The following PPP1R12A variants were observed in gnomAD, a reference collection of about 807,000 sequenced individuals.
PPP1R12A encodes protein phosphatase 1 regulatory subunit 12A.
A neutral mutation model predicts 139.6 loss-of-function variants in PPP1R12A; 19 were observed. The observed-to-expected ratio is 0.14, with a 90% CI of 0.09 to 0.20. The LOEUF (loss-of-function observed/expected upper bound fraction) is 0.20. Ranked by LOEUF, PPP1R12A falls within the 10% of genes least tolerant of loss-of-function variation. The pLI, the probability that PPP1R12A is intolerant of heterozygous loss-of-function variation, is 1.00. For missense variants in PPP1R12A, 925 were observed against 1,211.5 expected, an observed-to-expected ratio of 0.76 and a Z score of 3.51; for synonymous variants, 427 against 420.6, an observed-to-expected ratio of 1.02 and a Z score of -0.19.
At chr12:79,814,961 C>T (rs1281243443) in intron 9 of PPP1R12A, among the ~76,000 whole-genome samples, 1 of 151,542 alleles carries the variant, frequency 6.6e-6, no homozygotes, top group African/African-American at 2.4e-5. Flanking sequence ...AAAATAGTTT[C>T]TAAATATGCA....
At chr12:79,876,481 A>G (rs1883113276) in intron 1 of PPP1R12A, among the ~76,000 whole-genome samples, 1 of 152,200 alleles carries the variant, frequency 6.6e-6, no homozygotes, top group Non-Finnish European at 1.5e-5. Flanking sequence ...CAGACAGGAA[A>G]TGATAGGGCT....
chr12:79,866,432 A>G (rs867136962), intron 2 of PPP1R12A, among the ~76,000 whole-genome samples: 1 of 152,366 alleles, frequency 6.6e-6, no homozygotes, highest in African/African-American at 2.4e-5. Context: ...CATGACTAAA[A>G]CACCAAAAGC....
chr12:79,865,307 T>C (rs1857003440), intron 2 of PPP1R12A, among the ~76,000 whole-genome samples: 1 of 152,182 alleles, frequency 6.6e-6, no homozygotes, highest in Non-Finnish European at 1.5e-5. Context: ...TAGGTATCGA[T>C]GGAACGTATC....
chr12:79,837,107 A>G (rs1878177049), intron 3 of PPP1R12A, among the ~76,000 whole-genome samples: 1 of 152,228 alleles, frequency 6.6e-6, no homozygotes. Flanking sequence ...CTGTTTTAAA[A>G]GAAAAAAATC....
chr12:79,898,806 A>T (rs1885365518), intron 1 of PPP1R12A, among the ~76,000 whole-genome samples: 4 of 151,740 alleles, frequency 2.6e-5, no homozygotes. Flanking sequence ...CTCTATACCA[A>T]CTCACACCCT....
At chr12:79,877,097 T>C (rs553834476) in intron 1 of PPP1R12A, among the ~76,000 whole-genome samples, 2 of 152,332 alleles carry the variant, frequency 1.3e-5, no homozygotes, top group Admixed American at 1.3e-4. Flanking sequence ...ATTTTGTGGC[T>C]GTGAACAAGT....
At chr12:79,799,968 AC>A (rs1565745824) in intron 14 of PPP1R12A, among the ~76,000 whole-genome samples, 1 of 151,696 alleles carries the variant, frequency 6.6e-6, no homozygotes, top group Non-Finnish European at 1.5e-5. Context: ...AGATTGTACC[AC>A]CCCGCAGCGT....
chr12:79,778,781 C>A, intron 23 of PPP1R12A, 181 bp from the exon 24 acceptor site: 1 of 410,554 alleles, frequency 2.4e-6, no homozygotes, highest in Non-Finnish European at 4.4e-6. Context: ...ATATGAAGAT[C>A]TTTATCCTTA....
intron 1 of PPP1R12A, among the ~76,000 whole-genome samples, chr12:79,889,908 T>C (rs1489685755): frequency 1.3e-5 from 2 of 152,168 alleles, no homozygotes; most frequent in Non-Finnish European, 2.9e-5. Flanking sequence ...AGCAGCTCCC[T>C]TGGGCCTCTT....
chr12:79,841,108 G>C (rs1164247087), intron 3 of PPP1R12A, among the ~76,000 whole-genome samples: 1 of 150,540 alleles, frequency 6.6e-6, no homozygotes, highest in Non-Finnish European at 1.5e-5. Context: ...CTGTTGTCCA[G>C]GCTGGAGTGC....
chr12:79,864,058 C>T (rs1267584130), intron 2 of PPP1R12A, among the ~76,000 whole-genome samples: 1 of 151,994 alleles, frequency 6.6e-6, no homozygotes, highest in African/African-American at 2.4e-5. Context: ...ACCACATGGC[C>T]CTTATTCTAA....
intron 23 of PPP1R12A, chr12:79,779,790 A>T: frequency 2.4e-5 from 4 of 163,274 alleles, no homozygotes; most frequent in East Asian, 1.6e-4. Context: ...CAAGATTTTA[A>T]ATTAGTGGTA....
intron 1 of PPP1R12A, among the ~76,000 whole-genome samples, chr12:79,911,737 C>A (rs1445724836): frequency 6.6e-5 from 10 of 151,858 alleles, no homozygotes; most frequent in Admixed American, 6.6e-4. Flanking sequence ...CAGCTTTCGA[C>A]TGAAAAGCCA....
At chr12:79,784,542 G>A (rs935771880) in intron 22 of PPP1R12A, among the ~76,000 whole-genome samples, 2 of 152,190 alleles carry the variant, frequency 1.3e-5, no homozygotes, top group South Asian at 4.1e-4. Flanking sequence ...AATGAAGTAG[G>A]CAGCAGAGCA....
intron 1 of PPP1R12A, among the ~76,000 whole-genome samples, chr12:79,874,014 G>A (rs1201653058): frequency 6.6e-6 from 1 of 152,110 alleles, no homozygotes; most frequent in Non-Finnish European, 1.5e-5. Flanking sequence ...GGTGGCTCAC[G>A]CCTGTAATCC....
chr12:79,909,478 T>C (rs776321182), intron 1 of PPP1R12A, among the ~76,000 whole-genome samples: 3 of 152,106 alleles, frequency 2.0e-5, no homozygotes, highest in Non-Finnish European at 2.9e-5. Context: ...GGCTCACGTC[T>C]GTAATCCCAG....
At chr12:79,933,838 A>G (rs149069725) in intron 1 of PPP1R12A, among the ~76,000 whole-genome samples, 94 of 152,370 alleles carry the variant, frequency 6.2e-4, no homozygotes, top group African/African-American at 2.2e-3. Context: ...GTTTGTGACC[A>G]GCTTTCTTTT....
intron 1 of PPP1R12A, among the ~76,000 whole-genome samples, chr12:79,932,924 T>C (rs1176042784): frequency 1.3e-5 from 2 of 152,216 alleles, no homozygotes; most frequent in Non-Finnish European, 2.9e-5. Context: ...CGAACCATTA[T>C]CCAATTATCC....
At chr12:79,777,630 A>G in intron 24 of PPP1R12A, 1 of 985,218 alleles carries the variant, frequency 1.0e-6, no homozygotes. Context: ...CAGAGATTGA[A>G]TTTGCTTTAT....
Sources: gnomAD v4.1 joint callset for allele counts (sites outside exome capture counted in the v4.1 genomes callset) on GRCh38, gnomAD v4.1.1 for gene constraint, MANE v1.5 for transcripts, NCBI Gene and HGNC (gene_info 2026-07-23, HGNC 2026-07-21) for gene names.